SHOC1: variants seen among roughly 807,000 people sequenced by gnomAD.
SHOC1 encodes the protein shortage in chiasmata 1.
SHOC1 carries 136 observed loss-of-function variants against 179.2 expected under a neutral mutation model. The ratio of observed to expected loss-of-function variants is 0.76; its 90% CI spans 0.66 to 0.87. SHOC1 has a LOEUF of 0.87. Among genes scored for constraint, SHOC1 ranks in the 40% least tolerant of loss-of-function variants. The pLI, the probability that SHOC1 is intolerant of heterozygous loss-of-function variation, is 0.00. For synonymous variants in SHOC1, 489 were observed against 586.6 expected (o/e 0.83, Z 2.41); for missense variants, 1,538 against 1,700.8 (o/e 0.90, Z 1.68).
rs1265888348 is a variant in SHOC1 at position 111,768,234 on chromosome 9, T to TC, written c.442+7556_442+7557insG. Reference sequence around the variant, plus strand: ...ACTGATTTTTGTATGTTAAATTTTTTTTTTTTTTTGAGATGGAGTCTTACT... The same window carrying TC: ...ACTGATTTTTGTATGTTAAATTTTTTCTTTTTTTTTGAGATGGAGTCTTACT... On this transcript the variant is annotated intron_variant, in intron 5 of 27. Coordinates refer to ENST00000682961, the MANE Select transcript of SHOC1 (RefSeq NM_001378211.1). Among the ~76,000 whole-genome samples the TC allele has an allele frequency of 5.3e-5, 8 of 151,946 alleles. No homozygotes were observed. The East Asian group carries it at 1.5e-3, about 29-fold the overall frequency.
chr9:111,771,627 T>C (rs1174806821), intron 5 of SHOC1, among the ~76,000 whole-genome samples: 3 of 152,160 alleles, frequency 2.0e-5, no homozygotes, highest in Non-Finnish European at 4.4e-5. Context: ...CTCTGAACTT[T>C]AGTTGTTTGG....
chr9:111,731,815 C>G (rs1404383304), intron 12 of SHOC1, among the ~76,000 whole-genome samples: 2 of 151,912 alleles, frequency 1.3e-5, no homozygotes, highest in Admixed American at 6.6e-5. Context: ...ACATATCATT[C>G]ATGTTTTATA....
intron 13 of SHOC1, among the ~76,000 whole-genome samples, chr9:111,724,367 T>C (rs901910363): frequency 6.6e-6 from 1 of 151,718 alleles, no homozygotes; most frequent in Non-Finnish European, 1.5e-5. Context: ...TAAGACAGTG[T>C]CTCCCTCTGT....
intron 18 of SHOC1, among the ~76,000 whole-genome samples, chr9:111,711,695 A>G (rs1299763647): frequency 6.6e-6 from 1 of 152,178 alleles, no homozygotes; most frequent in Non-Finnish European, 1.5e-5. Context: ...GATGGGTAAT[A>G]TAGTAGGGGT....
At chr9:111,713,616 AAAGT>A (rs1362462116) in intron 17 of SHOC1, among the ~76,000 whole-genome samples, 1 of 152,224 alleles carries the variant, frequency 6.6e-6, no homozygotes, top group African/African-American at 2.4e-5. Context: ...ATGACTTAAG[AAAGT>A]TATTACCCAA....
chr9:111,765,970 C>T (rs1470103947), intron 5 of SHOC1, among the ~76,000 whole-genome samples: 14 of 152,092 alleles, frequency 9.2e-5, no homozygotes, highest in Admixed American at 8.5e-4. Flanking sequence ...CATGAGCCAC[C>T]GTGCCTAGTC....
chr9:111,698,548 C>G (rs186502486), intron 24 of SHOC1, among the ~76,000 whole-genome samples: 148 of 152,240 alleles, frequency 9.7e-4, no homozygotes, highest in Non-Finnish European at 1.5e-3. Flanking sequence ...TTCCATTGGT[C>G]TATATCTCTG....
intron 21 of SHOC1, 40 bp from the exon 22 acceptor site, chr9:111,704,032 TA>T: frequency 9.2e-7 from 1 of 1,091,640 alleles, no homozygotes; most frequent in Non-Finnish European, 1.3e-6. Flanking sequence ...AATGAAATGC[TA>T]ATAAAATTAT....
intron 15 of SHOC1, 53 bp downstream of exon 15, chr9:111,722,356 C>A (rs1052430128): frequency 6.7e-7 from 1 of 1,484,976 alleles, no homozygotes; most frequent in African/African-American, 1.4e-5. Flanking sequence ...TAATTTGATA[C>A]AATAATTTCT....
chr9:111,688,184 T>C (rs55857684), intron 27 of SHOC1, among the ~76,000 whole-genome samples: 1,669 of 152,312 alleles, frequency 0.011, 21 homozygotes, highest in African/African-American at 0.038. Flanking sequence ...ACACCCACCA[T>C]GGCTGATTTT....
At chr9:111,694,180 GT>G in intron 25 of SHOC1, 50 bp downstream of exon 25, 2 of 1,503,040 alleles carry the variant, frequency 1.3e-6, no homozygotes, top group Non-Finnish European at 1.8e-6. Context: ...TCAAATACAG[GT>G]TTTTATATTT....
chr9:111,702,282 A>C, intron 22 of SHOC1, 56 bp from the exon 23 acceptor site: 1 of 1,127,720 alleles, frequency 8.9e-7, no homozygotes, highest in East Asian at 2.5e-5. Flanking sequence ...TTATTATGAA[A>C]TTATGTTATC....
At position 111,727,870 on chromosome 9, in the gene SHOC1, C is replaced by A; in HGVS notation, c.1597G>T (p.Asp533Tyr). Reference sequence around the variant, plus strand: ...ATTATTCTGTTTACTGGTTCTTGGTCATTCTTTGGTTTTTCTTCTTTTGCT... The same window carrying A: ...ATTATTCTGTTTACTGGTTCTTGGTAATTCTTTGGTTTTTCTTCTTTTGCT... The part of the protein sequence containing the change: ...GAAKEEKPKN[D>Y]QEPVNRIIQK... Residue 533 changes from aspartate (D) to tyrosine (Y), a missense_variant, in exon 13 of 28, where the codon GAC becomes TAC. Physicochemically the swap from Asp to Tyr is radical, Grantham distance 160. Coordinates refer to ENST00000682961, the MANE Select transcript of SHOC1 (RefSeq NM_001378211.1). 3 of 1,612,720 alleles carry A rather than the reference C, an allele frequency of 1.9e-6. No homozygotes were observed. The South Asian group carries it at 3.3e-5, about 18-fold the overall frequency.
chr9:111,705,381 T>G lies in SHOC1; in HGVS notation c.2738-17A>C. 15 of 1,297,858 alleles carry G rather than the reference T, an allele frequency of 1.2e-5. No individual in the cohort carries two copies. The highest frequency in any genetic ancestry group is 1.6e-5 in the Non-Finnish European group (15 of 953,178). The allele number at this position is 1,297,858 out of a possible 1,614,324, so 80.4% of individuals were successfully genotyped here. A position where few individuals can be genotyped will look rare whatever the true frequency, so the allele number is the denominator to read the frequency against. ...AGGTGCTTCCTAAATAAGAGAAAATTTATAAATATTTCTCTTTTATTCTCA... is the reference window on the plus strand; with the variant it reads ...AGGTGCTTCCTAAATAAGAGAAAATGTATAAATATTTCTCTTTTATTCTCA... On this transcript the variant is annotated splice_polypyrimidine_tract_variant and intron_variant, in intron 20 of 27. Coordinates refer to ENST00000682961, the MANE Select transcript of SHOC1 (RefSeq NM_001378211.1).
chr9:111,715,743 G>A (rs1157639458), intron 16 of SHOC1, among the ~76,000 whole-genome samples: 1 of 151,884 alleles, frequency 6.6e-6, no homozygotes, highest in East Asian at 1.9e-4. Context: ...ATATCTACTT[G>A]GCAAACTTCT....
At chr9:111,742,918 T>C (rs1360596307) in intron 10 of SHOC1, among the ~76,000 whole-genome samples, 2 of 152,230 alleles carry the variant, frequency 1.3e-5, no homozygotes, top group East Asian at 1.9e-4. Context: ...ATGTCCAATA[T>C]AGACACACAT....
rs556603517 is a variant in SHOC1, at chr9:111,702,470, A to G, written c.2968-244T>C. On this transcript the variant is annotated intron_variant, in intron 22 of 27. Transcript: ENST00000682961. ...TCCTGAATCTCCCGAGGTCCTAGAT[A>G]TGAAGAAAGTAGCCTATGGAGTGCC... is the stretch of plus-strand genomic sequence containing the variant. Among the ~76,000 whole-genome samples, 5 of 152,332 alleles carry G rather than the reference A, an allele frequency of 3.3e-5. No individual in the cohort carries two copies. The South Asian group carries it at 8.3e-4, about 25-fold the overall frequency.
At chr9:111,778,746 A>C (rs995904889) in intron 4 of SHOC1, among the ~76,000 whole-genome samples, 9 of 138,846 alleles carry the variant, frequency 6.5e-5, no homozygotes, top group African/African-American at 2.4e-4. Context: ...ACTCTAGCCT[A>C]GGTGACAGAG....
At chr9:111,718,094 T>C (rs562998309) in intron 16 of SHOC1, 90 bp downstream of exon 16, 151 of 845,400 alleles carry the variant, frequency 1.8e-4, no homozygotes, top group Admixed American at 6.0e-4. Context: ...ACATCATTTC[T>C]TATAAGGTGT....
Sources: gnomAD v4.1 joint callset for allele counts (sites outside exome capture counted in the v4.1 genomes callset) on GRCh38, gnomAD v4.1.1 for gene constraint, MANE v1.5 for transcripts, NCBI Gene and HGNC (gene_info 2026-07-23, HGNC 2026-07-21) for gene names.